The following KCTD16 variants were observed in gnomAD, a reference collection of about 807,000 sequenced individuals.
KCTD16 encodes the protein BTB/POZ domain-containing protein KCTD16.
A neutral mutation model predicts 33.2 loss-of-function variants in KCTD16; 13 were observed. The ratio of observed to expected loss-of-function variants is 0.39; its 90% CI spans 0.25 to 0.62. The LOEUF (loss-of-function observed/expected upper bound fraction) is 0.62, where lower values mean the gene tolerates loss of function less well. Ranked by LOEUF, KCTD16 falls within the 20% of genes least tolerant of loss-of-function variation. The pLI, the probability that KCTD16 is intolerant of heterozygous loss-of-function variation, is 0.50. For missense variants in KCTD16, 441 were observed against 525.1 expected (o/e 0.84, Z 1.57); for synonymous variants, 197 against 195.3 (o/e 1.01, Z -0.07).
chr5:144,418,892 C>T lies in KCTD16; in HGVS notation c.833-54768C>T, dbSNP rs748302587. Among the ~76,000 whole-genome samples, 23 of 152,122 alleles carry T rather than the reference C, an allele frequency of 1.5e-4. 1 individual carries two copies. Among genetic ancestry groups the T allele is most frequent in the Admixed American group, 6.6e-5 (1 of 15,264 alleles). ...AGAAGTATTATGAGGTCAAGTTATA[C>T]ACCCTAACTTTTACAACCCATTAAC... On this transcript the variant is annotated intron_variant, in intron 3 of 3. Transcript: ENST00000512467.
chr5:144,424,401 T>G (rs1161833407), intron 3 of KCTD16, among the ~76,000 whole-genome samples: 3 of 152,178 alleles, frequency 2.0e-5, no homozygotes, highest in Admixed American at 6.6e-5. Context: ...CTCATTCATG[T>G]TCTTCTGCAT....
chr5:144,237,853 A>C lies in KCTD16; in HGVS notation c.832+30307A>C, dbSNP rs531636284. Among the ~76,000 whole-genome samples the C allele has an allele frequency of 3.0e-3, 459 of 152,262 alleles. 2 individuals carry two copies. The highest frequency in any genetic ancestry group is 0.011 in the African/African-American group (442 of 41,564). ...GTTCAGAGATGAGAAAACAAAACAG[A>C]GTACTGGAGAAGCTGAGTGATTTAT... On this transcript the variant is annotated intron_variant, in intron 3 of 3. Coordinates refer to ENST00000512467, the MANE Select transcript of KCTD16 (RefSeq NM_020768.4).
intron 3 of KCTD16, among the ~76,000 whole-genome samples, chr5:144,268,211 T>A (rs1755198447): frequency 6.6e-6 from 1 of 151,680 alleles, no homozygotes; most frequent in South Asian, 2.1e-4. Context: ...GGAGCCAAAG[T>A]GGGAAAAAAA....
At chr5:144,414,268 ATAGGTC>A (rs1414991033) in intron 3 of KCTD16, among the ~76,000 whole-genome samples, 1 of 152,214 alleles carries the variant, frequency 6.6e-6, no homozygotes, top group Non-Finnish European at 1.5e-5. Flanking sequence ...GTATTATAAA[ATAGGTC>A]TAGCCTCTGA....
At chr5:144,378,874 T>C (rs1032335764) in intron 3 of KCTD16, among the ~76,000 whole-genome samples, 7 of 152,222 alleles carry the variant, frequency 4.6e-5, no homozygotes, top group African/African-American at 1.7e-4. Context: ...TTGTATTAAA[T>C]GACTTTTTAC....
intron 3 of KCTD16, among the ~76,000 whole-genome samples, chr5:144,256,449 G>A (rs1754850991): frequency 6.6e-6 from 1 of 152,054 alleles, no homozygotes; most frequent in Admixed American, 6.5e-5. Context: ...CACCGGTTTA[G>A]TGTGACTGTT....
chr5:144,181,311 T>C (rs1222445428), intron 2 of KCTD16, among the ~76,000 whole-genome samples: 1 of 152,232 alleles, frequency 6.6e-6, no homozygotes, highest in Non-Finnish European at 1.5e-5. Flanking sequence ...CAATGGGATG[T>C]AATTGAAAAA....
At chr5:144,436,590 C>CTTTTT (rs112607433) in intron 3 of KCTD16, among the ~76,000 whole-genome samples, 1 of 142,390 alleles carries the variant, frequency 7.0e-6, no homozygotes, top group African/African-American at 2.6e-5. Context: ...TGTTTAACTT[C>CTTTTT]TTTTTTTTTT....
intron 2 of KCTD16, among the ~76,000 whole-genome samples, chr5:144,189,473 G>T (rs1431081988): frequency 4.0e-5 from 6 of 149,442 alleles, no homozygotes. Context: ...TTCAGCCGGG[G>T]TGACAGAGTG....
In KCTD16 at chr5:144,343,955, A is replaced by T. The variant is rs570970976; in HGVS notation, c.833-129705A>T. Among the ~76,000 whole-genome samples, 6 of 152,206 alleles carry T rather than the reference A, an allele frequency of 3.9e-5. No individual in the cohort carries two copies. The South Asian group carries it at 1.2e-3, about 32-fold the overall frequency. On this transcript the variant is annotated intron_variant, in intron 3 of 3. Coordinates refer to ENST00000512467, the MANE Select transcript of KCTD16 (RefSeq NM_020768.4). ...GAGGCATCACGCTACCTGACTTCAA[A>T]CTATACTACAAGGCTACAGTAACCA...
At chr5:144,473,229 A>G (rs1325848227) in intron 3 of KCTD16, among the ~76,000 whole-genome samples, 1 of 152,188 alleles carries the variant, frequency 6.6e-6, no homozygotes, top group Non-Finnish European at 1.5e-5. Context: ...TTTTATTGAA[A>G]GCTGACTGTG....
chr5:144,452,481 G>A (rs986982988), intron 3 of KCTD16, among the ~76,000 whole-genome samples: 6 of 151,832 alleles, frequency 4.0e-5, no homozygotes, highest in African/African-American at 1.5e-4. Context: ...AAGTGGATTG[G>A]GGGGAGCAAG....
chr5:144,404,731 TGACTGTG>T (rs1427833063), intron 3 of KCTD16, among the ~76,000 whole-genome samples: 2 of 152,190 alleles, frequency 1.3e-5, no homozygotes, highest in Non-Finnish European at 2.9e-5. Context: ...ATTATGGATC[TGACTGTG>T]GTAGAGAGGT....
intron 3 of KCTD16, among the ~76,000 whole-genome samples, chr5:144,316,248 C>A (rs1295765371): frequency 4.6e-5 from 7 of 152,072 alleles, no homozygotes. Context: ...TTCAGCACTG[C>A]CCTGGGCATC....
intron 3 of KCTD16, among the ~76,000 whole-genome samples, chr5:144,327,141 G>A (rs1320444587): frequency 6.6e-6 from 1 of 152,170 alleles, no homozygotes; most frequent in African/African-American, 2.4e-5. Context: ...AGGTATGACA[G>A]TATTTCCTCA....
chr5:144,178,390 CTAAT>C (rs964698433), intron 2 of KCTD16, among the ~76,000 whole-genome samples: 3 of 152,034 alleles, frequency 2.0e-5, no homozygotes, highest in African/African-American at 7.2e-5. Context: ...GTTATTAAGA[CTAAT>C]TATAATACTT....
chr5:144,468,064 C>T (rs1754387244), intron 3 of KCTD16, among the ~76,000 whole-genome samples: 1 of 152,150 alleles, frequency 6.6e-6, no homozygotes, highest in South Asian at 2.1e-4. Context: ...TTGGTTTCAG[C>T]TTCCCTTTTT....
intron 3 of KCTD16, among the ~76,000 whole-genome samples, chr5:144,353,782 C>G (rs956780478): frequency 1.3e-5 from 2 of 152,038 alleles, no homozygotes; most frequent in Admixed American, 6.6e-5. Context: ...TAATGAATTT[C>G]TATAGGTAGA....
At chr5:144,191,115 A>C (rs1752832562) in intron 2 of KCTD16, among the ~76,000 whole-genome samples, 1 of 152,176 alleles carries the variant, frequency 6.6e-6, no homozygotes, top group Admixed American at 6.5e-5. Flanking sequence ...ATTTTTTAAT[A>C]CTGTTGTAAA....
Sources: allele counts gnomAD v4.1 joint callset (sites outside exome capture counted in the v4.1 genomes callset), GRCh38; gene constraint gnomAD v4.1.1; transcripts MANE v1.5; gene names NCBI Gene and HGNC (gene_info 2026-07-23, HGNC 2026-07-21).